CENPW: variants seen among roughly 807,000 people sequenced by gnomAD.
The protein encoded by CENPW is centromere protein W, also known as cancer-up-regulated gene 2 protein.
CENPW carries 3 observed loss-of-function variants against 11.1 expected under a neutral mutation model. The ratio of observed to expected loss-of-function variants is 0.27; its 90% CI spans 0.12 to 0.70. The LOEUF (loss-of-function observed/expected upper bound fraction) is 0.70, where lower values mean the gene tolerates loss of function less well. Ranked by LOEUF, CENPW falls within the 30% of genes least tolerant of loss-of-function variation. CENPW has a pLI of 0.77. For synonymous variants in CENPW, 38 were observed against 42.0 expected, an observed-to-expected ratio of 0.91 and a Z score of 0.37; for missense variants, 100 against 105.6, an observed-to-expected ratio of 0.95 and a Z score of 0.23.
chr6:126,343,951 A>T (rs1315881284), intron 1 of CENPW, among the ~76,000 whole-genome samples: 3 of 152,202 alleles, frequency 2.0e-5, no homozygotes, highest in Non-Finnish European at 4.4e-5. Context: ...GCTCATGGCC[A>T]CGAAGAGGAA....
the CENPW span, among the ~76,000 whole-genome samples, chr6:126,419,862 A>ATATTGAGTCAATCTGGAAAATCC: frequency 6.6e-6 from 1 of 152,260 alleles, no homozygotes; most frequent in African/African-American, 2.4e-5. Context: ...CCTAATGATT[A>ATATTGAGTCAATCTGGAAAATCC]TATTGAGTCA....
At chr6:126,389,876 C>T in the CENPW span, among the ~76,000 whole-genome samples, 1 of 151,822 alleles carries the variant, frequency 6.6e-6, no homozygotes, top group East Asian at 1.9e-4. Flanking sequence ...AAAAGTTTGA[C>T]CCGAAATGCC....
At chr6:126,472,663 A>G in the CENPW span, among the ~76,000 whole-genome samples, 1,167 of 152,328 alleles carry the variant, frequency 7.7e-3, 14 homozygotes, top group African/African-American at 0.027. Context: ...TGATAAATAC[A>G]TAGGAGTAGA....
chr6:126,433,810 G>T, the CENPW span, among the ~76,000 whole-genome samples: 2 of 151,988 alleles, frequency 1.3e-5, no homozygotes, highest in Non-Finnish European at 1.5e-5. Context: ...GGGGGTTATG[G>T]GTAAGGGGAA....
the CENPW span, among the ~76,000 whole-genome samples, chr6:126,442,856 G>C: frequency 1.3e-5 from 2 of 151,194 alleles, no homozygotes; most frequent in African/African-American, 4.8e-5. Context: ...TGACAGGGTT[G>C]GGGCCAAGGA....
chr6:126,346,530 G>A (rs1780414829), intron 2 of CENPW, among the ~76,000 whole-genome samples: 1 of 152,130 alleles, frequency 6.6e-6, no homozygotes, highest in African/African-American at 2.4e-5. Context: ...CACTGCTTTA[G>A]AGGAAACATT....
the CENPW span, among the ~76,000 whole-genome samples, chr6:126,377,924 A>G: frequency 6.6e-6 from 1 of 152,182 alleles, no homozygotes; most frequent in East Asian, 1.9e-4. Context: ...ATAACCCCAT[A>G]ATACTCAGAA....
At chr6:126,470,086 T>C in the CENPW span, among the ~76,000 whole-genome samples, 5,153 of 152,286 alleles carry the variant, frequency 0.034, 115 homozygotes, top group Non-Finnish European at 0.051. Flanking sequence ...AGGAATCAAA[T>C]GTTAATTGTC....
the CENPW span, among the ~76,000 whole-genome samples, chr6:126,423,678 C>T: frequency 1.3e-5 from 2 of 151,716 alleles, no homozygotes; most frequent in African/African-American, 4.8e-5. Flanking sequence ...ATAGCATTTT[C>T]CAATTAAGGA....
At chr6:126,411,473 G>T in the CENPW span, among the ~76,000 whole-genome samples, 9 of 152,294 alleles carry the variant, frequency 5.9e-5, no homozygotes, top group South Asian at 1.9e-3. Context: ...GCTTGAAGTA[G>T]CTGTGGGGTG....
At chr6:126,355,590 T>C in the CENPW span, among the ~76,000 whole-genome samples, 7 of 152,226 alleles carry the variant, frequency 4.6e-5, no homozygotes, top group African/African-American at 1.7e-4. Context: ...TATACTGATA[T>C]TTTAAGTTTG....
the CENPW span, among the ~76,000 whole-genome samples, chr6:126,413,712 A>G: frequency 5.3e-5 from 8 of 151,956 alleles, no homozygotes; most frequent in Non-Finnish European, 1.0e-4. Flanking sequence ...ATCACCATAA[A>G]AAAAACCACC....
At chr6:126,469,811 G>C in the CENPW span, among the ~76,000 whole-genome samples, 1 of 152,206 alleles carries the variant, frequency 6.6e-6, no homozygotes, top group African/African-American at 2.4e-5. Context: ...CTAGAGATCT[G>C]TGTAACTTTG....
chr6:126,363,198 G>A, the CENPW span, among the ~76,000 whole-genome samples: 1 of 152,194 alleles, frequency 6.6e-6, no homozygotes, highest in Non-Finnish European at 1.5e-5. Flanking sequence ...TTCGTATTCA[G>A]ATGGAGAGAT....
the CENPW span, among the ~76,000 whole-genome samples, chr6:126,385,930 AAGG>A: frequency 1.2e-4 from 19 of 152,216 alleles, no homozygotes; most frequent in East Asian, 1.3e-3. Flanking sequence ...TATTGAAAAG[AAGG>A]AGGAGAAGAG....
chr6:126,430,804 C>G, the CENPW span, among the ~76,000 whole-genome samples: 1 of 152,000 alleles, frequency 6.6e-6, no homozygotes, highest in Non-Finnish European at 1.5e-5. Flanking sequence ...AAAAATTAGC[C>G]AGCTACTGGG....
At chr6:126,424,789 A>G in the CENPW span, among the ~76,000 whole-genome samples, 2 of 152,116 alleles carry the variant, frequency 1.3e-5, no homozygotes, top group African/African-American at 4.8e-5. Context: ...CATTGAAAAC[A>G]AAGACTAAGA....
chr6:126,376,309 G>A, the CENPW span, among the ~76,000 whole-genome samples: 1 of 152,092 alleles, frequency 6.6e-6, no homozygotes, highest in Non-Finnish European at 1.5e-5. Flanking sequence ...CACATCCCAG[G>A]TTATTGCTTG....
chr6:126,397,541 G>GT, the CENPW span, among the ~76,000 whole-genome samples: 1 of 151,986 alleles, frequency 6.6e-6, no homozygotes, highest in Non-Finnish European at 1.5e-5. Flanking sequence ...TGCTCATCTC[G>GT]TTTTTGATTC....
Sources: allele counts gnomAD v4.1 joint callset (sites outside exome capture counted in the v4.1 genomes callset), GRCh38; gene constraint gnomAD v4.1.1; transcripts MANE v1.5; gene names NCBI Gene and HGNC (gene_info 2026-07-23, HGNC 2026-07-21).